ALDH1L1: variants seen among roughly 807,000 people sequenced by gnomAD.
ALDH1L1 encodes the protein cytosolic 10-formyltetrahydrofolate dehydrogenase.
ALDH1L1 carries 68 observed loss-of-function variants against 101.1 expected under a neutral mutation model. That is an observed-to-expected ratio of 0.67 (90% confidence interval 0.55 to 0.82). ALDH1L1 has a LOEUF of 0.82. Among genes scored for constraint, ALDH1L1 ranks in the 40% least tolerant of loss-of-function variants. The probability of loss-of-function intolerance (pLI) is 0.00; values close to 1 mark genes in which losing one functional copy is unlikely to be tolerated. For missense variants in ALDH1L1, 1,087 were observed against 1,172.7 expected, an observed-to-expected ratio of 0.93 and a Z score of 1.07; for synonymous variants, 486 against 470.8, an observed-to-expected ratio of 1.03 and a Z score of -0.42.
At chr3:126,114,487 C>T in intron 18 of ALDH1L1, 70 bp downstream of exon 18, 2 of 1,265,820 alleles carry the variant, frequency 1.6e-6, no homozygotes, top group African/African-American at 3.0e-5. Flanking sequence ...GAATCAGAGA[C>T]AGGGCCTCCT....
At position 126,125,713 on chromosome 3, in the gene ALDH1L1, C is replaced by A; in HGVS notation, c.1703G>T (p.Gly568Val). The stretch of plus-strand genomic sequence containing the variant: ...GGGATAGTTCCAGGGGATGATGATG[C>A]CACAAACCCTGCCACACAAAAGAGG... ...LTRKEPVGVC[G>V]IIIPWNYPLM... Residue 568 changes from glycine (G) to valine (V), a missense_variant, in exon 15 of 23, where the codon GGC (glycine) becomes GTC (valine). Transcript: ENST00000393434. The A allele has an allele frequency of 1.3e-6, 2 of 1,563,174 alleles. No homozygotes were observed. Among genetic ancestry groups the A allele is most frequent in the South Asian group, 1.2e-5 (1 of 83,664 alleles).
intron 1 of ALDH1L1, among the ~76,000 whole-genome samples, chr3:126,188,817 A>G (rs185309319): frequency 0.013 from 2,051 of 152,334 alleles, 27 homozygotes; most frequent in South Asian, 0.036. Context: ...TATTGGGAGC[A>G]TGATACCAAG....
At chr3:126,196,594 C>A (rs1191020739) in intron 1 of ALDH1L1, among the ~76,000 whole-genome samples, 1 of 152,154 alleles carries the variant, frequency 6.6e-6, no homozygotes, top group East Asian at 1.9e-4. Context: ...CAATGGTAAC[C>A]TTACAGATGA....
At chr3:126,149,375 A>G (rs1019317693) in intron 8 of ALDH1L1, among the ~76,000 whole-genome samples, 1 of 152,194 alleles carries the variant, frequency 6.6e-6, no homozygotes, top group African/African-American at 2.4e-5. Flanking sequence ...GTTGTAAGAT[A>G]GCATCGTTTG....
chr3:126,148,952 A>G (rs1260584839), intron 8 of ALDH1L1, among the ~76,000 whole-genome samples: 1 of 152,294 alleles, frequency 6.6e-6, no homozygotes, highest in Admixed American at 6.5e-5. Context: ...GCTCACCTGA[A>G]CCAGCCAATC....
intron 2 of ALDH1L1, among the ~76,000 whole-genome samples, chr3:126,160,000 A>C (rs1487371637): frequency 6.6e-6 from 1 of 152,074 alleles, no homozygotes; most frequent in Admixed American, 6.5e-5. Flanking sequence ...GTCTGTCTCC[A>C]TCAGGCCTGA....
chr3:126,138,919 C>G (rs1227260201), intron 9 of ALDH1L1, among the ~76,000 whole-genome samples: 2 of 152,206 alleles, frequency 1.3e-5, no homozygotes, highest in Non-Finnish European at 2.9e-5. Context: ...GCTTTCAGCA[C>G]CAAGGAGAAA....
Position 126,107,181 on chromosome 3 carries a change from A to T in ALDH1L1, c.2413T>A (p.Ser805Thr). Residue 805 changes from serine (S) to threonine (T), a missense_variant, in exon 21 of 23, where the codon TCC (serine) becomes ACC (threonine). Physicochemically the swap from Ser to Thr is moderately conservative, Grantham distance 58 (BLOSUM62 1). This residue lies in a region of ALDH1L1 where 442 missense variants were observed against 535.7 expected (regional missense o/e 0.83). Coordinates refer to ENST00000393434, the MANE Select transcript of ALDH1L1 (RefSeq NM_012190.4). ...EDHMFIAKEE[S>T]FGPVMIISRF... ...GAGATGATCATGACAGGCCCGAAGG[A>T]CTCCTCCTTGGCTATGAACATGTGG... The T allele has an allele frequency of 6.2e-7, 1 of 1,614,000 alleles. No individual in the cohort carries two copies. Among genetic ancestry groups the T allele is most frequent in the Non-Finnish European group, 8.5e-7 (1 of 1,179,990 alleles).
At chr3:126,170,494 C>A (rs1450751116) in intron 1 of ALDH1L1, among the ~76,000 whole-genome samples, 1 of 149,974 alleles carries the variant, frequency 6.7e-6, no homozygotes, top group African/African-American at 2.5e-5. Context: ...TGCTGAAAAG[C>A]CTAGGACTAA....
chr3:126,161,153 G>A (rs1172988940), intron 1 of ALDH1L1, among the ~76,000 whole-genome samples, 151 bp from the exon 2 acceptor site: 2 of 152,242 alleles, frequency 1.3e-5, no homozygotes, highest in African/African-American at 2.4e-5. Flanking sequence ...AGGGGAGACT[G>A]CCACTGTAAG....
At chr3:126,105,947 A>G in intron 21 of ALDH1L1, 22 bp from the exon 22 acceptor site, 1 of 1,609,094 alleles carries the variant, frequency 6.2e-7, no homozygotes, top group Non-Finnish European at 8.5e-7. Context: ...GTCCAGGAAG[A>G]ACTCCCTGAG....
intron 1 of ALDH1L1, among the ~76,000 whole-genome samples, chr3:126,169,259 T>G (rs1473138165): frequency 6.6e-6 from 1 of 152,178 alleles, no homozygotes; most frequent in Non-Finnish European, 1.5e-5. Context: ...AACAACTAAG[T>G]AAAGTATACT....
chr3:126,184,740 T>A (rs1332390040), upstream of ALDH1L1, among the ~76,000 whole-genome samples: 1 of 152,188 alleles, frequency 6.6e-6, no homozygotes, highest in Non-Finnish European at 1.5e-5. Flanking sequence ...CTTTCTGTTG[T>A]ATAATGATGA....
chr3:126,171,871 G>A (rs1270368227), intron 1 of ALDH1L1, among the ~76,000 whole-genome samples: 1 of 152,138 alleles, frequency 6.6e-6, no homozygotes, highest in East Asian at 1.9e-4. Context: ...TTGTAGGACT[G>A]TAAAACACTT....
chr3:126,145,834 C>T (rs2080663590), intron 9 of ALDH1L1, among the ~76,000 whole-genome samples: 1 of 152,014 alleles, frequency 6.6e-6, no homozygotes. Flanking sequence ...TGTTTTTTTG[C>T]CACATTTTTT....
At chr3:126,122,057 A>G (rs904419835) in intron 16 of ALDH1L1, among the ~76,000 whole-genome samples, 4 of 152,250 alleles carry the variant, frequency 2.6e-5, no homozygotes, top group Non-Finnish European at 4.4e-5. Flanking sequence ...AGAAAGAACA[A>G]GAGTGTCAAC....
chr3:126,193,799 T>C (rs1370964855), intron 1 of ALDH1L1, among the ~76,000 whole-genome samples: 1 of 152,236 alleles, frequency 6.6e-6, no homozygotes, highest in Non-Finnish European at 1.5e-5. Flanking sequence ...AAAATTTCAG[T>C]ATTGGCTGAT....
chr3:126,128,048 T>A (rs1336324983), intron 14 of ALDH1L1, among the ~76,000 whole-genome samples: 1 of 151,914 alleles, frequency 6.6e-6, no homozygotes, highest in African/African-American at 2.4e-5. Context: ...GGGCCTGGGA[T>A]CCGTGAGGCC....
chr3:126,189,252 T>C (rs2081538661), intron 1 of ALDH1L1, among the ~76,000 whole-genome samples: 1 of 152,222 alleles, frequency 6.6e-6, no homozygotes, highest in African/African-American at 2.4e-5. Context: ...TTATGGTGAA[T>C]TTCTAACTAC....
Sources: allele counts gnomAD v4.1 joint callset (sites outside exome capture counted in the v4.1 genomes callset), GRCh38; gene constraint gnomAD v4.1.1; regional missense constraint gnomAD v4.1.1; transcripts MANE v1.5; gene names NCBI Gene and HGNC (gene_info 2026-07-23, HGNC 2026-07-21).